HPSE2: variants seen among roughly 807,000 people sequenced by gnomAD.
HPSE2 encodes inactive heparanase-2.
Under a neutral mutation model 60.5 loss-of-function variants are expected in HPSE2, and 38 were observed. That is an observed-to-expected ratio of 0.63 (90% CI 0.48 to 0.82). HPSE2 has a LOEUF of 0.82. Ranked by LOEUF, HPSE2 falls within the 40% of genes least tolerant of loss-of-function variation. The probability of loss-of-function intolerance (pLI) is 0.00; values close to 1 mark genes in which losing one functional copy is unlikely to be tolerated. For missense variants in HPSE2, 713 were observed against 740.4 expected, an observed-to-expected ratio of 0.96 and a Z score of 0.43; for synonymous variants, 295 against 293.2, an observed-to-expected ratio of 1.01 and a Z score of -0.06.
At chr10:99,266,340 T>A in the HPSE2 span, among the ~76,000 whole-genome samples, 1 of 150,736 alleles carries the variant, frequency 6.6e-6, no homozygotes, top group Non-Finnish European at 1.5e-5. Context: ...CGTTTTGGGC[T>A]GTATGGGAGC....
At chr10:99,138,264 G>A (rs1845734813) in intron 3 of HPSE2, among the ~76,000 whole-genome samples, 1 of 152,174 alleles carries the variant, frequency 6.6e-6, no homozygotes, top group African/African-American at 2.4e-5. Context: ...AGAATATGGA[G>A]AAATAGGAAT....
At chr10:98,957,495 G>T (rs917536081) in intron 3 of HPSE2, among the ~76,000 whole-genome samples, 9 of 152,168 alleles carry the variant, frequency 5.9e-5, no homozygotes, top group African/African-American at 2.2e-4. Flanking sequence ...AATAAGTTTA[G>T]ATTGGAGTAT....
intron 3 of HPSE2, among the ~76,000 whole-genome samples, chr10:98,917,619 T>C (rs1954157112): frequency 6.6e-6 from 1 of 152,232 alleles, no homozygotes; most frequent in African/African-American, 2.4e-5. Flanking sequence ...GACATTTAAG[T>C]CACCCAGTTT....
In HPSE2 at chr10:98,578,577, CAAAGT is replaced by C. The variant is rs559418805; in HGVS notation, c.1320+36322_1320+36326del. On this transcript the variant is annotated intron_variant, in intron 9 of 11. Coordinates refer to ENST00000370552, the MANE Select transcript of HPSE2 (RefSeq NM_021828.5). ...TTGAGAAACACTTCAGAATAAAAAA[CAAAGT>C]AAATATCAAATAGTCTGCATTTTTG... Among the ~76,000 whole-genome samples, 31 of 152,202 alleles carry C rather than the reference CAAAGT, an allele frequency of 2.0e-4. No individual in the cohort carries two copies. In the South Asian group the frequency reaches 6.4e-3, roughly 32 times the overall value.
intron 3 of HPSE2, among the ~76,000 whole-genome samples, chr10:98,836,664 T>C (rs1951797697): frequency 2.0e-5 from 3 of 152,212 alleles, no homozygotes; most frequent in African/African-American, 4.8e-5. Context: ...GAATTTATTC[T>C]CTGGGGAAGC....
At chr10:99,136,197 C>A (rs1176680439) in intron 3 of HPSE2, among the ~76,000 whole-genome samples, 1 of 151,966 alleles carries the variant, frequency 6.6e-6, no homozygotes, top group Non-Finnish European at 1.5e-5. Context: ...AGGAAGAAGT[C>A]GAATCTCTGA....
chr10:98,955,157 T>C (rs1202471799), intron 3 of HPSE2, among the ~76,000 whole-genome samples: 1 of 151,844 alleles, frequency 6.6e-6, no homozygotes, highest in Non-Finnish European at 1.5e-5. Context: ...CACTCAGCAA[T>C]TTGTTATTAG....
At chr10:98,562,808 C>A (rs1944230514) in intron 9 of HPSE2, among the ~76,000 whole-genome samples, 1 of 149,732 alleles carries the variant, frequency 6.7e-6, no homozygotes, top group African/African-American at 2.5e-5. Context: ...ATTCTATGTA[C>A]AAATTTCTCT....
intron 9 of HPSE2, among the ~76,000 whole-genome samples, chr10:98,550,796 A>C (rs758823313): frequency 7.9e-5 from 12 of 151,620 alleles, no homozygotes; most frequent in Non-Finnish European, 1.5e-4. Context: ...TTTTGTAGAG[A>C]TAGGGTCTTG....
intron 3 of HPSE2, among the ~76,000 whole-genome samples, chr10:99,008,037 GT>G (rs1956931392): frequency 6.6e-6 from 1 of 152,196 alleles, no homozygotes; most frequent in African/African-American, 2.4e-5. Flanking sequence ...GAAAATCCTA[GT>G]ATGACTTCTT....
chr10:98,989,035 T>C (rs1219678529), intron 3 of HPSE2, among the ~76,000 whole-genome samples: 3 of 151,386 alleles, frequency 2.0e-5, no homozygotes, highest in Non-Finnish European at 4.4e-5. Context: ...GGAACACTTT[T>C]ACACTGTTGG....
At chr10:98,740,130 T>C (rs1949459222) in intron 4 of HPSE2, among the ~76,000 whole-genome samples, 2 of 151,924 alleles carry the variant, frequency 1.3e-5, no homozygotes, top group South Asian at 2.1e-4. Flanking sequence ...AAGTATGGTG[T>C]CAAGAAAGTC....
intron 6 of HPSE2, among the ~76,000 whole-genome samples, chr10:98,672,571 G>T (rs1430193373): frequency 6.6e-6 from 1 of 152,170 alleles, no homozygotes; most frequent in African/African-American, 2.4e-5. Context: ...AAATTTGGGA[G>T]ATGGGATAAG....
At chr10:99,104,108 G>T (rs1431367802) in intron 3 of HPSE2, among the ~76,000 whole-genome samples, 1 of 152,122 alleles carries the variant, frequency 6.6e-6, no homozygotes, top group Non-Finnish European at 1.5e-5. Flanking sequence ...CAAAAGCAAT[G>T]GTAACAAAAG....
chr10:99,289,292 TG>T, the HPSE2 span, among the ~76,000 whole-genome samples: 98 of 152,172 alleles, frequency 6.4e-4, no homozygotes, highest in Non-Finnish European at 1.2e-3. Context: ...ACAATTTACG[TG>T]GCTGCAAAAA....
chr10:99,290,666 G>A, the HPSE2 span, among the ~76,000 whole-genome samples: 2 of 152,158 alleles, frequency 1.3e-5, no homozygotes, highest in African/African-American at 4.8e-5. Context: ...GAGTTGTAAG[G>A]AATAAAACAG....
chr10:98,557,010 G>C (rs1477730592), intron 9 of HPSE2, among the ~76,000 whole-genome samples: 2 of 141,268 alleles, frequency 1.4e-5, no homozygotes, highest in African/African-American at 5.4e-5. Flanking sequence ...AGGAGATTGA[G>C]ACCATCCTGG....
intron 3 of HPSE2, among the ~76,000 whole-genome samples, chr10:99,136,871 C>T (rs191939655): frequency 1.3e-5 from 2 of 152,204 alleles, no homozygotes; most frequent in African/African-American, 2.4e-5. Context: ...ACTCAACATA[C>T]TATTGGAAGT....
intron 3 of HPSE2, among the ~76,000 whole-genome samples, chr10:99,003,382 T>C (rs1271308119): frequency 6.6e-6 from 1 of 152,114 alleles, no homozygotes; most frequent in African/African-American, 2.4e-5. Context: ...GACTGCTGCA[T>C]CAAATGATAG....
Sources: gnomAD v4.1 joint callset for allele counts (sites outside exome capture counted in the v4.1 genomes callset) on GRCh38, gnomAD v4.1.1 for gene constraint, MANE v1.5 for transcripts, NCBI Gene and HGNC (gene_info 2026-07-23, HGNC 2026-07-21) for gene names.